The following MPND variants were observed in gnomAD, a reference collection of about 807,000 sequenced individuals.
MPND encodes MPN domain containing.
A neutral mutation model predicts 59.2 loss-of-function variants in MPND; 56 were observed. That is an observed-to-expected ratio of 0.95 (90% CI 0.76 to 1.18). The LOEUF is 1.18. Ranked by LOEUF, MPND falls within the 50% of genes most tolerant of loss-of-function variation. The pLI, the probability that MPND is intolerant of heterozygous loss-of-function variation, is 0.00. For missense variants in MPND, 671 were observed against 676.0 expected, an observed-to-expected ratio of 0.99 and a Z score of 0.08; for synonymous variants, 323 against 291.9, an observed-to-expected ratio of 1.11 and a Z score of -1.09.
intron 6 of MPND, 85 bp downstream of exon 6, chr19:4,354,505 C>T: frequency 9.2e-7 from 1 of 1,082,622 alleles, no homozygotes; most frequent in South Asian, 1.4e-5. Flanking sequence ...GTATCAGCTC[C>T]ATGAGAGCTG....
At chr19:4,359,327 C>A (rs1001558586) in intron 12 of MPND, 72 bp downstream of exon 12, 2 of 1,146,490 alleles carry the variant, frequency 1.7e-6, no homozygotes, top group Non-Finnish European at 1.3e-6. Flanking sequence ...TAAAAGGTGG[C>A]AGCAATGAGC....
intron 12 of MPND, 31 bp downstream of exon 12, chr19:4,359,286 C>T (rs1052155342): frequency 1.4e-5 from 22 of 1,580,386 alleles, no homozygotes; most frequent in East Asian, 9.0e-5. Flanking sequence ...GACCTCCTAA[C>T]GGGGCCCCAG....
chr19:4,358,585 C>G (rs1277340659), intron 11 of MPND: 1 of 179,364 alleles, frequency 5.6e-6, no homozygotes, highest in Non-Finnish European at 1.2e-5. Context: ...GTCAGGAGTT[C>G]GAGACTAGTC....
At chr19:4,353,844 T>G (rs7246177) in intron 4 of MPND, 1 of 498,244 alleles carries the variant, frequency 2.0e-6, no homozygotes, top group East Asian at 3.2e-5. Flanking sequence ...ATTTCTTCTT[T>G]GTAAATAAGA....
rs781385692 is a variant in MPND, at chr19:4,357,441, G to T, written c.1165+20G>T. Reference sequence around the variant, plus strand: ...TCTGCTGTACGCGGGATGGGGCTGTGGGGGGAGCAAGGAGGGGGGATGCTG... The same window carrying T: ...TCTGCTGTACGCGGGATGGGGCTGTTGGGGGAGCAAGGAGGGGGGATGCTG... On this transcript the variant is annotated intron_variant, in intron 9 of 12. Transcript: ENST00000599840. The T allele has an allele frequency of 2.2e-5, 36 of 1,609,878 alleles. No individual in the cohort carries two copies. The highest frequency in any genetic ancestry group is 2.9e-5 in the Non-Finnish European group (34 of 1,178,022).
chr19:4,352,165 C>T (rs543959998), intron 3 of MPND, among the ~76,000 whole-genome samples: 12 of 150,844 alleles, frequency 8.0e-5, no homozygotes, highest in Admixed American at 5.9e-4. Flanking sequence ...AGAGTGAGAC[C>T]GTGTCTCAAA....
At chr19:4,359,439 G>A (rs1972528232) in intron 12 of MPND, among the ~76,000 whole-genome samples, 184 bp downstream of exon 12, 1 of 152,180 alleles carries the variant, frequency 6.6e-6, no homozygotes, top group South Asian at 2.1e-4. Flanking sequence ...TGATTGGACT[G>A]TGGAGCTTTA....
intron 3 of MPND, among the ~76,000 whole-genome samples, chr19:4,349,552 C>T (rs531503365): frequency 3.7e-4 from 57 of 152,020 alleles, no homozygotes; most frequent in Admixed American, 7.9e-4. Context: ...CTCTTGTTGC[C>T]CAGGCTGGAG....
At chr19:4,352,860 G>T (rs1419860710) in intron 3 of MPND, 37 bp from the exon 4 acceptor site, 2 of 1,321,228 alleles carry the variant, frequency 1.5e-6, no homozygotes, top group Non-Finnish European at 2.0e-6. Flanking sequence ...ACCCAGCTGA[G>T]GGTCCCACCG....
At chr19:4,345,650 C>T in intron 2 of MPND, 95 bp from the exon 3 acceptor site, 15 of 1,172,146 alleles carry the variant, frequency 1.3e-5, no homozygotes, top group Non-Finnish European at 1.6e-5. Context: ...CCTGTAAAGA[C>T]ATGCCTGAGG....
chr19:4,359,833 G>T lies in MPND; in HGVS notation c.1420-83G>T, dbSNP rs557665890. On this transcript the variant is annotated intron_variant, in intron 12 of 12. Transcript: ENST00000599840. The stretch of plus-strand genomic sequence containing the variant: ...GGTCTCAGGGGGGCTCAGTCAGGAT[G>T]CTGGACTTGCACGGTGGACTGTGAG... The T allele has an allele frequency of 1.0e-4, 113 of 1,131,760 alleles. No homozygotes were observed. In the East Asian group the frequency reaches 3.0e-3, roughly 30 times the overall value. The allele number at this position is 1,131,760 out of a possible 1,614,324, so 70.1% of individuals were successfully genotyped here. A position where few individuals can be genotyped will look rare whatever the true frequency, so the allele number is the denominator to read the frequency against.
Position 4,354,340 on chromosome 19 carries a change from GT to G in MPND, c.767del (p.Val256GlyfsTer3), listed in dbSNP as rs766854053. The part of the protein sequence containing the change: ...RDLARNPHTL[V>X]EVTSFAAINK... ...CCCCTACAGGAACCCCCACACCCTG[GT>G]GGAAGTAACATCCTTTGCAGCCATC... is the stretch of plus-strand genomic sequence containing the variant. On this transcript the variant is annotated frameshift_variant, in exon 6 of 13. Transcript: ENST00000599840. LOFTEE classifies it high-confidence loss of function. 5.1e-6 allele frequency: 8 copies of G among 1,559,400 alleles called. No individual in the cohort carries two copies. The Admixed American group carries it at 1.5e-4, about 30-fold the overall frequency.
Position 4,347,655 on chromosome 19 carries a change from G to A in MPND, c.531+1674G>A, listed in dbSNP as rs529670714. ...AATGGTTACGTTATACAAGCTGTGA[G>A]GTTTTTAAACTTGTGACAAAGGACA... is the stretch of plus-strand genomic sequence containing the variant. On this transcript the variant is annotated intron_variant, in intron 3 of 12. Coordinates refer to ENST00000599840, the MANE Select transcript of MPND (RefSeq NM_001300862.2). 6.7e-5 allele frequency: 21 copies of A among 314,384 alleles called. No individual in the cohort carries two copies. The East Asian group carries it at 1.4e-3, about 20-fold the overall frequency. The allele number at this position is 314,384 out of a possible 1,614,324, so 19.5% of individuals were successfully genotyped here. A position where few individuals can be genotyped will look rare whatever the true frequency, so the allele number is the denominator to read the frequency against.
chr19:4,355,389 G>A (rs1301642012), intron 8 of MPND, among the ~76,000 whole-genome samples: 1 of 145,658 alleles, frequency 6.9e-6, no homozygotes, highest in African/African-American at 2.6e-5. Context: ...AGGCTAGAGT[G>A]CAGTGGTGCG....
chr19:4,357,482 C>T (rs2144839027), intron 9 of MPND, 33 bp from the exon 10 acceptor site: 3 of 1,611,378 alleles, frequency 1.9e-6, no homozygotes, highest in Non-Finnish European at 2.5e-6. Context: ...GCCGAGCCTC[C>T]CAGGGCCAAC....
In MPND at chr19:4,352,927, T is replaced by C. The variant is rs754414784; in HGVS notation, c.562T>C (p.Leu188=). ...SPASEGEEEE[L]LMEEEEEDVL... is the part of the protein sequence containing the mutation. ...AGCCAGTGAAGGGGAGGAGGAGGAG[T>C]TGCTGATGGAAGAGGAGGAGGAGGA... The change falls in exon 4 of 13, where the codon TTG becomes CTG. Residue 188 remains leucine, a synonymous_variant. Transcript: ENST00000599840. 2 of 1,392,572 alleles carry C rather than the reference T, an allele frequency of 1.4e-6. No homozygotes were observed. Among genetic ancestry groups the C allele is most frequent in the Non-Finnish European group, 1.9e-6 (2 of 1,064,120 alleles). The allele number at this position is 1,392,572 out of a possible 1,614,324, so 86.3% of individuals were successfully genotyped here. A position where few individuals can be genotyped will look rare whatever the true frequency, so the allele number is the denominator to read the frequency against.
chr19:4,357,040 G>C, intron 8 of MPND: 1 of 437,962 alleles, frequency 2.3e-6, no homozygotes, highest in Non-Finnish European at 4.0e-6. Flanking sequence ...TGGCTTTGTG[G>C]CAGGGTGCAT....
intron 3 of MPND, 124 bp downstream of exon 3, chr19:4,346,105 C>T (rs997164980): frequency 2.5e-6 from 2 of 795,408 alleles, no homozygotes; most frequent in African/African-American, 1.7e-5. Flanking sequence ...GGAGCCCTTA[C>T]CACGTGACAT....
At chr19:4,348,729 C>T (rs1285488320) in intron 3 of MPND, 1 of 151,710 alleles carries the variant, frequency 6.6e-6, no homozygotes, top group African/African-American at 2.4e-5. Flanking sequence ...GCAATCTTGG[C>T]TCACTGCAAA....
Sources: gnomAD v4.1 joint callset for allele counts (sites outside exome capture counted in the v4.1 genomes callset) on GRCh38, gnomAD v4.1.1 for gene constraint, MANE v1.5 for transcripts, NCBI Gene and HGNC (gene_info 2026-07-23, HGNC 2026-07-21) for gene names.